The following TDRKH variants were observed in gnomAD, a reference collection of about 807,000 sequenced individuals.
The protein encoded by TDRKH is tudor and KH domain-containing protein.
Under a neutral mutation model 61.3 loss-of-function variants are expected in TDRKH, and 28 were observed. The ratio of observed to expected loss-of-function variants is 0.46; its 90% CI spans 0.34 to 0.63. The LOEUF (loss-of-function observed/expected upper bound fraction) is 0.63, where lower values mean the gene tolerates loss of function less well. Among genes scored for constraint, TDRKH ranks in the 20% least tolerant of loss-of-function variants. The pLI is 0.01. For synonymous variants in TDRKH, 219 were observed against 244.4 expected, an observed-to-expected ratio of 0.90 and a Z score of 0.97; for missense variants, 540 against 683.4, an observed-to-expected ratio of 0.79 and a Z score of 2.34.
chr1:151,778,546 T>C (rs1649429606), intron 6 of TDRKH, 139 bp downstream of exon 6: 2 of 1,546,470 alleles, frequency 1.3e-6, no homozygotes, highest in East Asian at 4.5e-5. Flanking sequence ...CTTCAAAATA[T>C]CTTACCGAAT....
At position 151,776,522 on chromosome 1, in the gene TDRKH, A is replaced by T. The variant is rs1649198948; in HGVS notation, c.961T>A (p.Phe321Ile). ...CGGGAGCCAACGATCTGGATCCAGA[A>T]GTGGTTAGGGTGCTCAGAAGCAGAA... Reference protein sequence around the residue: ...YVSASEHPNHFWIQIVGSRSL... With the variant: ...YVSASEHPNHIWIQIVGSRSL... Residue 321 changes from phenylalanine (F) to isoleucine (I), a missense_variant, in exon 7 of 13, where the codon TTC becomes ATC. Coordinates refer to ENST00000368824, the MANE Select transcript of TDRKH (RefSeq NM_001083965.2). 1 of 1,614,066 alleles carries T rather than the reference A, an allele frequency of 6.2e-7. No homozygotes were observed. The highest frequency in any genetic ancestry group is 1.3e-5 in the African/African-American group (1 of 74,920).
chr1:151,784,722 C>T (rs1006302775), intron 1 of TDRKH, among the ~76,000 whole-genome samples: 2 of 152,098 alleles, frequency 1.3e-5, no homozygotes, highest in African/African-American at 4.8e-5. Context: ...TGTTCTACCT[C>T]ACTTTCTTGG....
At chr1:151,771,510 C>T (rs1648704133), downstream of TDRKH, 8 of 467,504 alleles carry the variant, frequency 1.7e-5, no homozygotes, top group Non-Finnish European at 2.4e-5. Context: ...CCCATTTATT[C>T]TAACCATTTA....
downstream of TDRKH, chr1:151,771,177 C>G (rs1648684749): frequency 6.2e-7 from 1 of 1,613,698 alleles, no homozygotes; most frequent in African/African-American, 1.3e-5. Flanking sequence ...TGGTGTATCC[C>G]CTTGAAAGGG....
chr1:151,786,387 T>C (rs1260001251), intron 1 of TDRKH, among the ~76,000 whole-genome samples: 2 of 152,186 alleles, frequency 1.3e-5, no homozygotes, highest in Non-Finnish European at 2.9e-5. Context: ...ATATACAGCA[T>C]GGATATGCTG....
downstream of TDRKH, among the ~76,000 whole-genome samples, chr1:151,768,913 C>T (rs2101556757): frequency 6.6e-6 from 1 of 151,672 alleles, no homozygotes; most frequent in African/African-American, 2.4e-5. Flanking sequence ...CAAAGCACAT[C>T]TTGCACCGCC....
chr1:151,772,260 C>T (rs2101568896), downstream of TDRKH, among the ~76,000 whole-genome samples: 1 of 60,664 alleles, frequency 1.6e-5, no homozygotes, highest in South Asian at 7.4e-4. Context: ...ACCACCATGC[C>T]TGGCTAATTT....
rs557464380 is a variant in TDRKH at position 151,774,878 on chromosome 1, C to T, written c.1537-72G>A. 4,485 of 1,539,544 alleles carry T rather than the reference C, an allele frequency of 2.9e-3. 49 individuals carry two copies. Among genetic ancestry groups the T allele is most frequent in the South Asian group, 0.021 (1,892 of 89,236 alleles). On this transcript the variant is annotated intron_variant, in intron 11 of 12. Coordinates refer to ENST00000368824, the MANE Select transcript of TDRKH (RefSeq NM_001083965.2). The stretch of plus-strand genomic sequence containing the variant: ...GGAAAAAAGAGGCCACCCTTTCATT[C>T]TTCTCATAGGACCTGGTTAAGGCAG...
At chr1:151,776,061 T>C (rs758037107) in intron 8 of TDRKH, 35 bp downstream of exon 8, 1 of 1,594,610 alleles carries the variant, frequency 6.3e-7, no homozygotes, top group South Asian at 1.1e-5. Context: ...CAGAACTGAG[T>C]CAGCAGTTGG....
intron 3 of TDRKH, among the ~76,000 whole-genome samples, chr1:151,781,185 C>T (rs563712207): frequency 5.3e-5 from 8 of 151,012 alleles, no homozygotes; most frequent in African/African-American, 1.7e-4. Context: ...GGCGTGGTGG[C>T]GGGTGCCTGT....
rs999600458 is a variant in TDRKH, at chr1:151,783,282, A to T, written c.-27-233T>A. On this transcript the variant is annotated intron_variant, in intron 1 of 12. Coordinates refer to ENST00000368824, the MANE Select transcript of TDRKH (RefSeq NM_001083965.2). ...GAAGCATACTTCACTTTCCCCACCCAAGTCAGTTTTAAAAGACAAAAAAAA... is the reference window on the plus strand; with the variant it reads ...GAAGCATACTTCACTTTCCCCACCCTAGTCAGTTTTAAAAGACAAAAAAAA... 24 of 225,066 alleles carry T rather than the reference A, an allele frequency of 1.1e-4. 1 individual carries two copies. The East Asian group carries it at 1.4e-3, about 13-fold the overall frequency. 13.9% of individuals were successfully genotyped at this position (225,066 alleles called of 1,614,324 possible). A position where few individuals can be genotyped will look rare whatever the true frequency, so the allele number is the denominator to read the frequency against.
At chr1:151,769,009 G>A (rs9727813), downstream of TDRKH, among the ~76,000 whole-genome samples, 1 of 152,130 alleles carries the variant, frequency 6.6e-6, no homozygotes, top group Admixed American at 6.5e-5. Context: ...AGCATCCCAA[G>A]GCAGAAGAAT....
chr1:151,781,328 A>ATATAT lies in TDRKH; in HGVS notation c.231+152_231+153insATATA, dbSNP rs1553282748. Reference sequence around the variant, plus strand: ...GCGAAACTCCATCTCAAAAAAAAAAAATATATATATATATATTTTATATAT... The same window carrying ATATAT: ...GCGAAACTCCATCTCAAAAAAAAAAATATATATATATATATATATATTTTATATAT... On this transcript the variant is annotated intron_variant, in intron 3 of 12. Transcript: ENST00000368824. Among the ~76,000 whole-genome samples the ATATAT allele has an allele frequency of 1.5e-4, 10 of 68,598 alleles. 1 individual carries two copies. Among genetic ancestry groups the ATATAT allele is most frequent in the African/African-American group, 3.4e-4 (7 of 20,628 alleles). 45.0% of individuals were successfully genotyped at this position (68,598 alleles called of 152,430 possible).
intron 6 of TDRKH, 189 bp downstream of exon 6, chr1:151,778,496 T>C (rs1649425736): frequency 5.2e-6 from 8 of 1,544,342 alleles, no homozygotes; most frequent in Admixed American, 1.7e-5. Flanking sequence ...ACCCTCAAAC[T>C]GTCCAGCAAC....
At chr1:151,771,158 T>C (rs374934805), downstream of TDRKH, 9 of 1,613,722 alleles carry the variant, frequency 5.6e-6, no homozygotes, top group African/African-American at 8.0e-5. Flanking sequence ...TTGGACAATG[T>C]CATCTTTATG....
At chr1:151,771,506 T>G, downstream of TDRKH, 1 of 473,868 alleles carries the variant, frequency 2.1e-6, no homozygotes, top group Non-Finnish European at 3.4e-6. Context: ...TTTCCCCATT[T>G]ATTCTAACCA....
intron 1 of TDRKH, among the ~76,000 whole-genome samples, chr1:151,788,109 C>A (rs561748670): frequency 3.9e-5 from 6 of 152,144 alleles, no homozygotes; most frequent in Non-Finnish European, 7.4e-5. Flanking sequence ...TGGAACCAAT[C>A]CCCTGCAAAT....
At chr1:151,781,161 C>G (rs1268911918) in intron 3 of TDRKH, among the ~76,000 whole-genome samples, 5 of 150,478 alleles carry the variant, frequency 3.3e-5, no homozygotes, top group African/African-American at 1.2e-4. Context: ...ACTAAAAATA[C>G]CAAAAATTCG....
chr1:151,776,132 T>G lies in TDRKH; in HGVS notation c.1181A>C (p.Asn394Thr). ...GAGGTCCTTCAGTGGGCAATCTCCA[T>G]TATCTCCAAAGTCAACAAAATAGAG... ...LDLYFVDFGD[N>T]GDCPLKDLRA... Residue 394 changes from asparagine (N) to threonine (T), a missense_variant, in exon 8 of 13, where the codon AAT becomes ACT. Transcript: ENST00000368824. 4 of 1,614,102 alleles carry G rather than the reference T, an allele frequency of 2.5e-6. No homozygotes were observed. The highest frequency in any genetic ancestry group is 3.4e-6 in the Non-Finnish European group (4 of 1,180,016).
Sources: allele counts gnomAD v4.1 joint callset (sites outside exome capture counted in the v4.1 genomes callset), GRCh38; gene constraint gnomAD v4.1.1; transcripts MANE v1.5; gene names NCBI Gene and HGNC (gene_info 2026-07-23, HGNC 2026-07-21).